Variants in ZDHHC1 observed in about 807,000 individuals in gnomAD.
ZDHHC1 encodes the protein palmitoyltransferase ZDHHC1.
A neutral mutation model predicts 46.9 loss-of-function variants in ZDHHC1; 45 were observed. The observed-to-expected ratio is 0.96, with a 90% CI of 0.76 to 1.23. ZDHHC1 has a LOEUF of 1.23. Ranked by LOEUF, ZDHHC1 falls within the 50% of genes most tolerant of loss-of-function variation. The probability of loss-of-function intolerance (pLI) is 0.00; values close to 1 mark genes in which losing one functional copy is unlikely to be tolerated. For missense variants in ZDHHC1, 649 were observed against 670.8 expected, an observed-to-expected ratio of 0.97 and a Z score of 0.36; for synonymous variants, 291 against 286.0, an observed-to-expected ratio of 1.02 and a Z score of -0.18.
intron 8 of ZDHHC1, 157 bp from the exon 9 acceptor site, chr16:67,395,723 G>C (rs747327413): frequency 1.2e-5 from 9 of 730,016 alleles, no homozygotes; most frequent in Non-Finnish European, 2.0e-5. Context: ...CCATCTGTAG[G>C]GTAAGGCTTA....
At position 67,394,251 on chromosome 16, in the gene ZDHHC1, C is replaced by T. The variant is rs935867240; in HGVS notation, c.*359G>A. On this transcript the variant is annotated 3_prime_UTR_variant, in exon 12 of 12. Transcript: ENST00000565726. ...TTTAAGAAAAATAACCTCCTCCAGG[C>T]CGCCTTCTAAGGCCTTTCCTAACCA... Among the ~76,000 whole-genome samples the T allele has an allele frequency of 1.3e-5, 2 of 152,222 alleles. No individual in the cohort carries two copies. The highest frequency in any genetic ancestry group is 4.8e-5 in the African/African-American group (2 of 41,470).
Position 67,398,943 on chromosome 16 carries a change from G to A in ZDHHC1, c.532C>T (p.Leu178Phe), listed in dbSNP as rs781125546. 3 of 1,612,576 alleles carry A rather than the reference G, an allele frequency of 1.9e-6. No individual in the cohort carries two copies. The highest frequency in any genetic ancestry group is 2.5e-6 in the Non-Finnish European group (3 of 1,179,474). ...GCGGATGCAACACTGTGTAGAAAGA[G>A]CCTGGGCCCAGCCATGGGTCGCTGT... ...NNCVGERNYR[L>F]FLHSVASALL... is the part of the protein sequence containing the mutation. The change falls in exon 6 of 12, where the codon CTC (leucine) becomes TTC (phenylalanine). Residue 178 changes from leucine (L) to phenylalanine (F), a missense_variant and splice_region_variant. Leu to Phe is a conservative substitution (Grantham distance 22, BLOSUM62 0). Coordinates refer to ENST00000565726, the MANE Select transcript of ZDHHC1 (RefSeq NM_001323627.2).
At position 67,399,417 on chromosome 16, in the gene ZDHHC1, G is replaced by A. The variant is rs751758769; in HGVS notation, c.468C>T (p.Cys156=). The A allele has an allele frequency of 1.2e-6, 2 of 1,613,276 alleles. No homozygotes were observed. ...TGCAGTGGTGGTCGAAACCGCACAC[G>A]CACTTGTTGCAGGCGCTGCAGTGCT... ...RSKHCSACNK[C]VCGFDHHCKW... Residue 156 remains cysteine (C), a synonymous_variant, in exon 5 of 12, where the codon TGC becomes TGT. Coordinates refer to ENST00000565726, the MANE Select transcript of ZDHHC1 (RefSeq NM_001323627.2).
Position 67,394,461 on chromosome 16 carries a change from TG to T in ZDHHC1, c.*148del. On this transcript the variant is annotated 3_prime_UTR_variant, in exon 12 of 12. Coordinates refer to ENST00000565726, the MANE Select transcript of ZDHHC1 (RefSeq NM_001323627.2). ...AAGTTTATTGGAGCATCACAGCCGG[TG>T]GGGCGGGTATTGCTGAGTCGTGGGG... is the stretch of plus-strand genomic sequence containing the variant. 3.4e-6 allele frequency: 2 copies of T among 579,842 alleles called. No homozygotes were observed. Among genetic ancestry groups the T allele is most frequent in the Non-Finnish European group, 4.7e-6 (2 of 429,620 alleles). 35.9% of individuals were successfully genotyped at this position (579,842 alleles called of 1,614,324 possible).
chr16:67,409,535 C>G (rs370607606), intron 1 of ZDHHC1, among the ~76,000 whole-genome samples: 1 of 152,228 alleles, frequency 6.6e-6, no homozygotes, highest in Non-Finnish European at 1.5e-5. Flanking sequence ...TCTTCACTGA[C>G]GACATTTTCT....
At chr16:67,409,410 C>A (rs778257527) in intron 1 of ZDHHC1, among the ~76,000 whole-genome samples, 1 of 152,168 alleles carries the variant, frequency 6.6e-6, no homozygotes, top group Non-Finnish European at 1.5e-5. Flanking sequence ...GAAGGGAGCA[C>A]TTGTCTGAGG....
chr16:67,399,347 GTCCTCACCGGTAGT>G lies in ZDHHC1; in HGVS notation c.524_530+7del, dbSNP rs1290771257. The G allele has an allele frequency of 1.2e-6, 2 of 1,610,836 alleles. No individual in the cohort carries two copies. The highest frequency in any genetic ancestry group is 3.3e-5 in the Admixed American group (2 of 59,864). On this transcript the variant is annotated splice_donor_variant and splice_donor_5th_base_variant and coding_sequence_variant and intron_variant, in exon 5 of 12. Transcript: ENST00000565726. LOFTEE classifies it high-confidence loss of function. ...CCCCAGGCCCGCGTGCGGCCGGGCT[GTCCTCACCGGTAGT>G]TCCGCTCGCCCACACAGTTGTTGAG...
chr16:67,406,941 C>T lies in ZDHHC1; in HGVS notation c.10-499G>A, dbSNP rs987987083. Among the ~76,000 whole-genome samples the T allele has an allele frequency of 1.3e-5, 2 of 152,194 alleles. No individual in the cohort carries two copies. The highest frequency in any genetic ancestry group is 6.5e-5 in the Admixed American group (1 of 15,282). The stretch of plus-strand genomic sequence containing the variant: ...CCAGAAGGAGGATCTGCCCTCTCCC[C>T]CACGGTGGACAGAAAATCCCTTTAG... On this transcript the variant is annotated intron_variant, in intron 2 of 11. Coordinates refer to ENST00000565726, the MANE Select transcript of ZDHHC1 (RefSeq NM_001323627.2). This position sits in a 1 kb window ranked among gnomAD's most constrained non-coding sequence, Gnocchi z 4.1.
intron 1 of ZDHHC1, among the ~76,000 whole-genome samples, chr16:67,415,308 A>G (rs185398566): frequency 1.3e-5 from 2 of 151,740 alleles, no homozygotes; most frequent in African/African-American, 4.8e-5. Flanking sequence ...AACCTTAAAA[A>G]ATTAGCTGAG....
intron 1 of ZDHHC1, 92 bp from the exon 2 acceptor site, chr16:67,407,905 T>G: frequency 2.9e-6 from 2 of 697,000 alleles, no homozygotes; most frequent in Non-Finnish European, 5.4e-6. Context: ...CTTCCATCCA[T>G]CCAGCCCTGC....
At chr16:67,399,548 G>A in intron 4 of ZDHHC1, 92 bp from the exon 5 acceptor site, 1 of 1,070,528 alleles carries the variant, frequency 9.3e-7, no homozygotes. Flanking sequence ...TCTGTGGAGG[G>A]ACCAAGCGCC....
In ZDHHC1 at chr16:67,400,066, ACCCCTCCCCCAGAACAGGGC is replaced by A. The variant is rs2142234570; in HGVS notation, c.429-630_429-611del. On this transcript the variant is annotated intron_variant, in intron 4 of 11. Transcript: ENST00000565726. ...GCACCGGGGAAGGCCCAAAGGCACA[ACCCCTCCCCCAGAACAGGGC>A]AGAGCCCTGCAATGGGCAGCAGCTG... Among the ~76,000 whole-genome samples the A allele has an allele frequency of 1.3e-5, 2 of 152,182 alleles. 1 individual carries two copies. The highest frequency in any genetic ancestry group is 2.9e-5 in the Non-Finnish European group (2 of 67,974).
chr16:67,413,482 C>G (rs1358760827), intron 1 of ZDHHC1, among the ~76,000 whole-genome samples: 1 of 152,204 alleles, frequency 6.6e-6, no homozygotes, highest in Non-Finnish European at 1.5e-5. Flanking sequence ...AGAGAAGTCT[C>G]TGGCCTTAAA....
intron 1 of ZDHHC1, among the ~76,000 whole-genome samples, chr16:67,411,366 G>A (rs1019046302): frequency 1.1e-4 from 16 of 152,188 alleles, no homozygotes; most frequent in Non-Finnish European, 1.8e-4. Context: ...GGGAGACGCA[G>A]GTGGGATCAA....
intron 8 of ZDHHC1, 110 bp from the exon 9 acceptor site, chr16:67,395,676 G>A: frequency 9.3e-7 from 1 of 1,075,632 alleles, no homozygotes; most frequent in Non-Finnish European, 1.4e-6. Flanking sequence ...GGATATCTCA[G>A]GCCTCATGCC....
rs2040653764 is a variant in ZDHHC1 at position 67,406,223 on chromosome 16, G to A, written c.229C>T (p.His77Tyr). The stretch of plus-strand genomic sequence containing the variant: ...ACAGCGTAGCCAGCGGGCACCCAGT[G>A]GTGAGGCAGGAGGGGAACAAGGATC... ...FGILVPLLPH[H>Y]WVPAGYACMG... Residue 77 changes from histidine to tyrosine, a missense_variant, in exon 3 of 12, where the codon CAC (histidine) becomes TAC (tyrosine). His to Tyr is a moderately conservative substitution (Grantham distance 83). Coordinates refer to ENST00000565726, the MANE Select transcript of ZDHHC1 (RefSeq NM_001323627.2). This position sits in a 1 kb window ranked among gnomAD's most constrained non-coding sequence, Gnocchi z 4.1. The A allele has an allele frequency of 2.5e-6, 4 of 1,613,658 alleles. No homozygotes were observed. The highest frequency in any genetic ancestry group is 2.2e-5 in the East Asian group (1 of 44,880).
Position 67,399,364 on chromosome 16 carries a change from C to T in ZDHHC1, c.521G>A (p.Arg174Gln), listed in dbSNP as rs1211883545. ...GCCGGGCTGTCCTCACCGGTAGTTC[C>T]GCTCGCCCACACAGTTGTTGAGCCA... ...CKWLNNCVGE[R>Q]NYRLFLHSVA... The change falls in exon 5 of 12, where the codon CGG becomes CAG. Residue 174 changes from arginine to glutamine, a missense_variant. Coordinates refer to ENST00000565726, the MANE Select transcript of ZDHHC1 (RefSeq NM_001323627.2). 6.2e-6 allele frequency: 10 copies of T among 1,612,688 alleles called. No individual in the cohort carries two copies. The highest frequency in any genetic ancestry group is 1.1e-5 in the South Asian group (1 of 91,038).
At chr16:67,412,405 G>A (rs2040761608) in intron 1 of ZDHHC1, among the ~76,000 whole-genome samples, 1 of 152,124 alleles carries the variant, frequency 6.6e-6, no homozygotes. Context: ...CCACTGAGCT[G>A]CCTTGTGGAT....
At chr16:67,407,895 C>T (rs961224986) in intron 1 of ZDHHC1, 82 bp from the exon 2 acceptor site, 10 of 711,206 alleles carry the variant, frequency 1.4e-5, no homozygotes, top group Non-Finnish European at 2.4e-5. Context: ...TTTCTCCTGC[C>T]TTCCATCCAT....
Sources: allele counts gnomAD v4.1 joint callset (sites outside exome capture counted in the v4.1 genomes callset), GRCh38; gene constraint gnomAD v4.1.1; non-coding constraint Gnocchi (gnomAD v3.1); transcripts MANE v1.5; gene names NCBI Gene and HGNC (gene_info 2026-07-23, HGNC 2026-07-21).